GABRB3: variants seen among roughly 807,000 people sequenced by gnomAD.
GABRB3 encodes gamma-aminobutyric acid receptor subunit beta-3.
In GABRB3, 14 loss-of-function variants were observed where a neutral mutation model predicts 52.1. That is an observed-to-expected ratio of 0.27 (90% CI 0.18 to 0.42). The LOEUF (loss-of-function observed/expected upper bound fraction) is 0.42. Among genes scored for constraint, GABRB3 ranks in the 10% least tolerant of loss-of-function variants. The pLI, the probability that GABRB3 is intolerant of heterozygous loss-of-function variation, is 1.00. For synonymous variants in GABRB3, 260 were observed against 232.3 expected (o/e 1.12, Z -1.08); for missense variants, 307 against 609.1 (o/e 0.50, Z 5.22).
chr15:26,608,276 G>A, intron 4 of GABRB3, among the ~76,000 whole-genome samples: 1 of 152,006 alleles, frequency 6.6e-6, no homozygotes. Context: ...AATGAAATTG[G>A]ACCCTTATCT....
intron 3 of GABRB3, among the ~76,000 whole-genome samples, chr15:26,686,798 C>T (rs1888421801): frequency 6.6e-6 from 1 of 152,316 alleles, no homozygotes; most frequent in Non-Finnish European, 1.5e-5. Context: ...ATCCAGGAGT[C>T]GCTGTGAATG....
At chr15:26,729,379 G>A (rs1046922063) in intron 3 of GABRB3, among the ~76,000 whole-genome samples, 1 of 152,026 alleles carries the variant, frequency 6.6e-6, no homozygotes, top group African/African-American at 2.4e-5. Flanking sequence ...GGAGGCTCCT[G>A]AACCCAAGAA....
At chr15:26,618,382 C>G (rs1273673073) in intron 4 of GABRB3, among the ~76,000 whole-genome samples, 1 of 151,936 alleles carries the variant, frequency 6.6e-6, no homozygotes, top group South Asian at 2.1e-4. Context: ...ACTATCTGAT[C>G]TTTGACAAAC....
chr15:26,696,983 A>C (rs150970026), intron 3 of GABRB3, among the ~76,000 whole-genome samples: 7,138 of 152,298 alleles, frequency 0.047, 196 homozygotes, highest in Non-Finnish European at 0.066. Context: ...AAATTTAGGG[A>C]ATTTTTTTAA....
chr15:26,554,037 T>TATAGATATATATAGATATATATATA (rs59100810), intron 8 of GABRB3, among the ~76,000 whole-genome samples: 1 of 58,486 alleles, frequency 1.7e-5, no homozygotes, highest in Non-Finnish European at 3.2e-5. Context: ...ATATATATAT[T>TATAGATATATATAGATATATATATA]TATTTATTTA....
intron 7 of GABRB3, among the ~76,000 whole-genome samples, chr15:26,562,213 G>A (rs1890016709): frequency 6.6e-6 from 1 of 152,170 alleles, no homozygotes; most frequent in African/African-American, 2.4e-5. Context: ...GTGGTAGGGT[G>A]GGATGGTAGT....
In GABRB3 at chr15:26,772,918, G is replaced by A; in HGVS notation, c.45C>T (p.Ala15=). The change falls in exon 1 of 9, where the codon GCC becomes GCT. Residue 15 remains alanine, a synonymous_variant. Transcript: ENST00000311550. The part of the protein sequence containing the change: ...AGGRLFGIFS[A]PVLVAVVCCA... ...AGCACACCACAGCCACCAGCACCGG[G>A]GCCGAGAAGATGCCGAAAAGCCTTC... 2 of 1,496,222 alleles carry A rather than the reference G, an allele frequency of 1.3e-6. No individual in the cohort carries two copies. The highest frequency in any genetic ancestry group is 1.3e-5 in the South Asian group (1 of 79,878). The allele number at this position is 1,496,222 out of a possible 1,614,324, so 92.7% of individuals were successfully genotyped here.
intron 3 of GABRB3, among the ~76,000 whole-genome samples, chr15:26,648,189 G>C (rs190186362): frequency 2.1e-3 from 325 of 152,180 alleles, no homozygotes; most frequent in Non-Finnish European, 3.8e-3. Flanking sequence ...TCTCCTTTCT[G>C]TCTCTGAATT....
chr15:26,772,629 CG>C, intron 2 of GABRB3, 51 bp downstream of exon 2: 1 of 1,476,592 alleles, frequency 6.8e-7, no homozygotes, highest in South Asian at 1.3e-5. Flanking sequence ...CCGCCCAGGC[CG>C]CCGCCGCCGT....
At chr15:26,569,318 C>G (rs1487554044) in intron 6 of GABRB3, 1 of 152,228 alleles carries the variant, frequency 6.6e-6, no homozygotes, top group Non-Finnish European at 1.5e-5. Context: ...ATACCCAGCA[C>G]TTCAAGGCTG....
intron 3 of GABRB3, among the ~76,000 whole-genome samples, chr15:26,646,671 TAA>T (rs1232336402): frequency 6.6e-6 from 1 of 152,156 alleles, no homozygotes; most frequent in Non-Finnish European, 1.5e-5. Context: ...CAGCAACATA[TAA>T]AGTTTCCAAT....
At chr15:26,743,293 A>G (rs1023559596) in intron 3 of GABRB3, among the ~76,000 whole-genome samples, 5 of 152,030 alleles carry the variant, frequency 3.3e-5, no homozygotes, top group African/African-American at 1.2e-4. Context: ...TCTGCCTCCC[A>G]TCTCTACTCT....
chr15:26,604,846 A>G (rs1351922289), intron 4 of GABRB3, among the ~76,000 whole-genome samples: 1 of 152,154 alleles, frequency 6.6e-6, no homozygotes, highest in Non-Finnish European at 1.5e-5. Flanking sequence ...TCTCCAGGAC[A>G]TTGGTCTGGG....
At chr15:26,721,286 G>C (rs56739737) in intron 3 of GABRB3, among the ~76,000 whole-genome samples, 9 of 152,174 alleles carry the variant, frequency 5.9e-5, no homozygotes, top group Non-Finnish European at 8.8e-5. Flanking sequence ...AAACAGAGCA[G>C]AAGTGGCCCT....
At chr15:26,708,516 C>G (rs1889178800) in intron 3 of GABRB3, among the ~76,000 whole-genome samples, 1 of 152,076 alleles carries the variant, frequency 6.6e-6, no homozygotes. Context: ...CAAAGAGAGT[C>G]CTGGGTACTA....
At chr15:26,634,861 T>C (rs975626367) in intron 3 of GABRB3, among the ~76,000 whole-genome samples, 9 of 149,378 alleles carry the variant, frequency 6.0e-5, no homozygotes, top group African/African-American at 2.2e-4. Flanking sequence ...CATACACACA[T>C]ATATACACAC....
intron 3 of GABRB3, among the ~76,000 whole-genome samples, chr15:26,758,838 CA>C (rs372791213): frequency 1.8e-4 from 28 of 152,308 alleles, no homozygotes; most frequent in African/African-American, 6.5e-4. Context: ...CAAATTATGT[CA>C]AGGTGGTAAA....
intron 3 of GABRB3, among the ~76,000 whole-genome samples, chr15:26,769,228 T>C (rs1031973554): frequency 1.3e-5 from 2 of 152,352 alleles, no homozygotes; most frequent in Admixed American, 6.5e-5. Flanking sequence ...AAGTCCTTGT[T>C]TTGAACTTTG....
intron 3 of GABRB3, among the ~76,000 whole-genome samples, chr15:26,771,019 G>T (rs1339386109): frequency 6.6e-6 from 1 of 152,056 alleles, no homozygotes; most frequent in Non-Finnish European, 1.5e-5. Flanking sequence ...TTGGAAAAAA[G>T]TACATTTTTA....
Sources: gnomAD v4.1 joint callset for allele counts (sites outside exome capture counted in the v4.1 genomes callset) on GRCh38, gnomAD v4.1.1 for gene constraint, MANE v1.5 for transcripts, NCBI Gene and HGNC (gene_info 2026-07-23, HGNC 2026-07-21) for gene names.